The following ALDH3A1 variants were observed in gnomAD, a reference collection of about 807,000 sequenced individuals.
ALDH3A1 encodes the protein aldehyde dehydrogenase, dimeric NADP-preferring.
Under a neutral mutation model 49.9 loss-of-function variants are expected in ALDH3A1, and 46 were observed. The observed-to-expected ratio is 0.92, with a 90% CI of 0.73 to 1.18. The LOEUF (loss-of-function observed/expected upper bound fraction) is 1.18, where lower values mean the gene tolerates loss of function less well. Ranked by LOEUF, ALDH3A1 falls within the 50% of genes most tolerant of loss-of-function variation. The pLI is 0.00. For synonymous variants in ALDH3A1, 269 were observed against 253.3 expected (o/e 1.06, Z -0.59); for missense variants, 592 against 611.8 (o/e 0.97, Z 0.34).
chr17:19,745,106 C>T lies in ALDH3A1; in HGVS notation c.24G>A (p.Val8=). 1 of 1,586,674 alleles carries T rather than the reference C, an allele frequency of 6.3e-7. No individual in the cohort carries two copies. Among genetic ancestry groups the T allele is most frequent in the South Asian group, 1.1e-5 (1 of 90,178 alleles). MSKISEA[V]KRARAAFSSG... ...AGCTGAAGGCGGCGCGGGCGCGCTT[C>T]ACGGCCTCGCTGATCTTGCTCATGG... Residue 8 remains valine (V), a synonymous_variant, in exon 2 of 11, where the codon GTG becomes GTA. Transcript: ENST00000225740.
Position 19,742,028 on chromosome 17 carries a change from T to G in ALDH3A1, c.665A>C (p.Asn222Thr), listed in dbSNP as rs768221550. The change falls in exon 5 of 11, where the codon AAC becomes ACC. Residue 222 changes from asparagine to threonine, a missense_variant. Asn to Thr is a moderately conservative substitution (Grantham distance 65). Transcript: ENST00000225740. ...CCGGCAGGCCACGTCCAGGTCACAG[T>G]TCTTGTCCACGTAGCAGGGACTCTT... ...GGKSPCYVDK[N>T]CDLDVACRRI... 1.1e-5 allele frequency: 18 copies of G among 1,613,708 alleles called. No homozygotes were observed. In the African/African-American group the frequency reaches 2.3e-4, roughly 20 times the overall value.
At position 19,739,041 on chromosome 17, in the gene ALDH3A1, C is replaced by T. The variant is rs1193457223; in HGVS notation, c.1171G>A (p.Val391Ile). 1.9e-6 allele frequency: 3 copies of T among 1,613,852 alleles called. No homozygotes were observed. Among genetic ancestry groups the T allele is most frequent in the East Asian group, 4.5e-5 (2 of 44,882 alleles). ...GAGTGCAAGGTGATGTGGACGATGA[C>T]ATCGTTGGCCGCCACCCCACCACTG... ...TSSGGVAANDVIVHITLHSLP... is the reference protein window; with the variant it reads ...TSSGGVAANDIIVHITLHSLP... Residue 391 changes from valine (V) to isoleucine (I), a missense_variant, in exon 9 of 11, where the codon GTC becomes ATC. Physicochemically the swap from Val to Ile is conservative, Grantham distance 29. Transcript: ENST00000225740.
chr17:19,745,379 C>T lies in ALDH3A1; in HGVS notation c.-5-245G>A, dbSNP rs117058916. 38 of 480,190 alleles carry T rather than the reference C, an allele frequency of 7.9e-5. No individual in the cohort carries two copies. In the East Asian group the frequency reaches 1.2e-3, roughly 15 times the overall value. 29.7% of individuals were successfully genotyped at this position (480,190 alleles called of 1,614,324 possible). ...GCAACCCGAGTCCTAAGCCGAACTG[C>T]TGCTGGGGGCTCTTGGCAGCGTGCT... On this transcript the variant is annotated intron_variant, in intron 1 of 10. Transcript: ENST00000225740.
At chr17:19,739,327 G>A (rs577461362) in intron 8 of ALDH3A1, among the ~76,000 whole-genome samples, 181 bp downstream of exon 8, 30 of 152,338 alleles carry the variant, frequency 2.0e-4, no homozygotes, top group African/African-American at 6.5e-4. Context: ...GGCAAGGATC[G>A]CTCATTCAGT....
chr17:19,741,154 T>C lies in ALDH3A1; in HGVS notation c.746A>G (p.Tyr249Cys), dbSNP rs749473875. Reference sequence around the variant, plus strand: ...CTGGATCGAGGGGTCACAGAGGATGTAGTCAGGGGCCACGCAGGTCTGGCC... The same window carrying C: ...CTGGATCGAGGGGTCACAGAGGATGCAGTCAGGGGCCACGCAGGTCTGGCC... ...NSGQTCVAPD[Y>C]ILCDPSIQNQ... Residue 249 changes from tyrosine (Y) to cysteine (C), a missense_variant, in exon 6 of 11, where the codon TAC becomes TGC. Transcript: ENST00000225740. The C allele has an allele frequency of 1.2e-6, 2 of 1,614,122 alleles. No homozygotes were observed. Among genetic ancestry groups the C allele is most frequent in the African/African-American group, 1.3e-5 (1 of 75,036 alleles).
intron 1 of ALDH3A1, among the ~76,000 whole-genome samples, chr17:19,747,350 G>A (rs2086614043): frequency 1.3e-5 from 2 of 152,110 alleles, no homozygotes; most frequent in South Asian, 2.1e-4. Context: ...AGGAGGCTGG[G>A]AAAGCCCCCT....
In ALDH3A1 at chr17:19,738,128, A is replaced by G. The variant is rs770598190; in HGVS notation, c.*93T>C. ...AGGAGTGGGGCTGGGCTGGGGCTGC[A>G]GGAGCGATTCTCCCAGGGCCAGGAG... is the stretch of plus-strand genomic sequence containing the variant. On this transcript the variant is annotated 3_prime_UTR_variant, in exon 11 of 11. Transcript: ENST00000225740. 1.2e-6 allele frequency: 2 copies of G among 1,606,572 alleles called. No individual in the cohort carries two copies. Among genetic ancestry groups the G allele is most frequent in the South Asian group, 1.1e-5 (1 of 90,920 alleles).
Position 19,738,223 on chromosome 17 carries a change from A to T in ALDH3A1, c.1360T>A (p.Ter454ArgextTer66), listed in dbSNP as rs767580208. ...AGGCCAGGCGGAGCAACCCCTCCTC[A>T]GTGCTGGGTCATCTGTGAAAGGGAC... is the stretch of plus-strand genomic sequence containing the variant. ...PPSPAKMTQH* is the reference protein window; with the variant it reads ...PPSPAKMTQHR The change falls in exon 11 of 11, where the codon TGA becomes AGA. Residue 454 changes from the stop codon to arginine, a stop_lost. Transcript: ENST00000225740. 6.2e-7 allele frequency: 1 copy of T among 1,614,008 alleles called. No homozygotes were observed. Among genetic ancestry groups the T allele is most frequent in the African/African-American group, 1.3e-5 (1 of 75,030 alleles).
At chr17:19,741,433 G>C in intron 5 of ALDH3A1, 1 of 498,820 alleles carries the variant, frequency 2.0e-6, no homozygotes, top group Non-Finnish European at 3.6e-6. Context: ...GAGGACGTCT[G>C]TTGAGGGCAA....
chr17:19,738,309 C>T lies in ALDH3A1; in HGVS notation c.1347+14G>A. The T allele has an allele frequency of 6.2e-7, 1 of 1,613,594 alleles. No homozygotes were observed. Among genetic ancestry groups the T allele is most frequent in the Non-Finnish European group, 8.5e-7 (1 of 1,179,524 alleles). On this transcript the variant is annotated intron_variant, in intron 10 of 10. Transcript: ENST00000225740. ...CACAGCCCGGTCTCCCCCACAGCGC[C>T]TTCCCCCTCTCACCTTGGCCGGGCT... is the stretch of plus-strand genomic sequence containing the variant.
rs772364547 is a variant in ALDH3A1 at position 19,741,994 on chromosome 17, T to C, written c.689+10A>G. ...AGGACTGCTGCAGCCAGCAGGCCCG[T>C]GCCTCTCACCGGCAGGCCACGTCCA... On this transcript the variant is annotated intron_variant, in intron 5 of 10. Transcript: ENST00000225740. 3 of 1,613,366 alleles carry C rather than the reference T, an allele frequency of 1.9e-6. No individual in the cohort carries two copies. The highest frequency in any genetic ancestry group is 1.7e-5 in the Admixed American group (1 of 59,974).
At chr17:19,746,966 A>T (rs955780428) in intron 1 of ALDH3A1, among the ~76,000 whole-genome samples, 5 of 152,120 alleles carry the variant, frequency 3.3e-5, no homozygotes, top group Admixed American at 2.6e-4. Context: ...CACAGAAAAA[A>T]GTCTGCCTCC....
chr17:19,742,154 C>G lies in ALDH3A1; in HGVS notation c.539G>C (p.Arg180Thr), dbSNP rs1161784864. The part of the protein sequence containing the change: ...VPETTELLKE[R>T]FDHILYTGST... ...GCCCGTGTACAGGATATGGTCGAAC[C>G]TCTCCTTGAGCAGCTCCGTGGTCTC... The change falls in exon 5 of 11, where the codon AGG becomes ACG. Residue 180 changes from arginine to threonine, a missense_variant. By Grantham distance (71) the Arg-to-Thr change is moderately conservative (BLOSUM62 -1). Transcript: ENST00000225740. 1.9e-6 allele frequency: 3 copies of G among 1,613,978 alleles called. No individual in the cohort carries two copies. Among genetic ancestry groups the G allele is most frequent in the Non-Finnish European group, 2.5e-6 (3 of 1,180,030 alleles).
At position 19,738,206 on chromosome 17, in the gene ALDH3A1, C is replaced by T. The variant is rs143691519; in HGVS notation, c.*15G>A. On this transcript the variant is annotated 3_prime_UTR_variant, in exon 11 of 11. Coordinates refer to ENST00000225740, the MANE Select transcript of ALDH3A1 (RefSeq NM_000691.5). ...TGGGACACAGTATGGCCAGGCCAGGCGGAGCAACCCCTCCTCAGTGCTGGG... is the reference window on the plus strand; with the variant it reads ...TGGGACACAGTATGGCCAGGCCAGGTGGAGCAACCCCTCCTCAGTGCTGGG... 3.2e-4 allele frequency: 515 copies of T among 1,613,854 alleles called. 1 individual carries two copies. In the East Asian group the frequency reaches 3.8e-3, roughly 12 times the overall value.
chr17:19,742,545 C>T lies in ALDH3A1; in HGVS notation c.480G>A (p.Lys160=), dbSNP rs770654987. 1 of 1,612,424 alleles carries T rather than the reference C, an allele frequency of 6.2e-7. No homozygotes were observed. Among genetic ancestry groups the T allele is most frequent in the Non-Finnish European group, 8.5e-7 (1 of 1,178,834 alleles). Residue 160 remains lysine, a splice_region_variant and synonymous_variant, in exon 4 of 11, where the codon AAG becomes AAA. Coordinates refer to ENST00000225740, the MANE Select transcript of ALDH3A1 (RefSeq NM_000691.5). ...TACGAGGCCCTGGAGGGCAACTCAC[C>T]TTGTCCAGGTACTGGGGGATGATGG... ...LATIIPQYLD[K]DLYPVINGGV...
At chr17:19,742,973 G>T in intron 3 of ALDH3A1, 1 of 1,528,200 alleles carries the variant, frequency 6.5e-7, no homozygotes, top group Non-Finnish European at 8.8e-7. Flanking sequence ...CATATTAGGT[G>T]ACAGAAGCTC....
intron 5 of ALDH3A1, 83 bp downstream of exon 5, chr17:19,741,921 T>C: frequency 7.4e-7 from 1 of 1,359,828 alleles, no homozygotes; most frequent in Non-Finnish European, 1.0e-6. Flanking sequence ...TTACTCAGAG[T>C]GGACCCACAG....
rs377384082 is a variant in ALDH3A1, at chr17:19,739,552, G to A, written c.1072C>T (p.Arg358Cys). 59 of 1,612,980 alleles carry A rather than the reference G, an allele frequency of 3.7e-5. No individual in the cohort carries two copies. The highest frequency in any genetic ancestry group is 1.7e-4 in the South Asian group (15 of 90,646). The stretch of plus-strand genomic sequence containing the variant: ...ATGTAGAGGGCCAGGGGCTTCTCAC[G>A]CTGGTTGATGAACTGGATGGCCTCC... ...LEEAIQFINQREKPLALYMFS... is the reference protein window; with the variant it reads ...LEEAIQFINQCEKPLALYMFS... Residue 358 changes from arginine to cysteine, a missense_variant, in exon 8 of 11, where the codon CGT (arginine) becomes TGT (cysteine). By Grantham distance (180) the Arg-to-Cys change is radical. Transcript: ENST00000225740.
intron 9 of ALDH3A1, chr17:19,738,678 A>G (rs1452677749): frequency 1.5e-6 from 1 of 658,618 alleles, no homozygotes; most frequent in Non-Finnish European, 2.6e-6. Context: ...GGGTGTCCCC[A>G]GGGCATCCAC....
Sources: allele counts gnomAD v4.1 joint callset (sites outside exome capture counted in the v4.1 genomes callset), GRCh38; gene constraint gnomAD v4.1.1; transcripts MANE v1.5; gene names NCBI Gene and HGNC (gene_info 2026-07-23, HGNC 2026-07-21).